The following MEGF11 variants were observed in gnomAD, a reference collection of about 807,000 sequenced individuals.
MEGF11 encodes multiple EGF like domains 11, also known as multiple epidermal growth factor-like domains protein 11.
In MEGF11, 126 loss-of-function variants were observed where a neutral mutation model predicts 146.6. That is an observed-to-expected ratio of 0.86 (90% CI 0.74 to 1.00). The LOEUF (loss-of-function observed/expected upper bound fraction) is 1.00. Ranked by LOEUF, MEGF11 falls within the 50% of genes least tolerant of loss-of-function variation. MEGF11 has a pLI of 0.00. For missense variants in MEGF11, 1,509 were observed against 1,521.2 expected, an observed-to-expected ratio of 0.99 and a Z score of 0.13; for synonymous variants, 532 against 583.4, an observed-to-expected ratio of 0.91 and a Z score of 1.27.
chr15:66,228,316 G>C (rs2091895658), intron 1 of MEGF11, among the ~76,000 whole-genome samples: 2 of 152,026 alleles, frequency 1.3e-5, no homozygotes, highest in Admixed American at 1.3e-4. Flanking sequence ...ACGAAGCCTT[G>C]TCCCCACCAC....
intron 1 of MEGF11, among the ~76,000 whole-genome samples, chr15:66,220,256 C>T (rs2091700000): frequency 6.6e-6 from 1 of 150,992 alleles, no homozygotes; most frequent in African/African-American, 2.4e-5. Flanking sequence ...CCACCCCCCG[C>T]CATGTGGTAC....
intron 16 of MEGF11, 84 bp downstream of exon 16, chr15:65,917,882 C>A (rs753187454): frequency 6.4e-7 from 1 of 1,558,234 alleles, no homozygotes; most frequent in Admixed American, 1.7e-5. Context: ...GTGGAGGCAC[C>A]AGGACAGAGA....
In MEGF11 at chr15:66,197,249, A is replaced by T. The variant is rs1399521112; in HGVS notation, c.-9+56356T>A. Among the ~76,000 whole-genome samples the T allele has an allele frequency of 2.6e-5, 4 of 152,216 alleles. No individual in the cohort carries two copies. In the East Asian group the frequency reaches 7.7e-4, roughly 29 times the overall value. ...GATTACTTATGTCCTTGAAATTATT[A>T]GTAAATCTTAATACTGGGCAAGATC... On this transcript the variant is annotated intron_variant, in intron 1 of 25. Transcript: ENST00000395614.
chr15:66,149,608 A>G (rs1413169141), intron 1 of MEGF11, among the ~76,000 whole-genome samples: 1 of 152,110 alleles, frequency 6.6e-6, no homozygotes, highest in East Asian at 1.9e-4. Flanking sequence ...CTCCATCAGC[A>G]TCACGCAGAA....
chr15:66,142,606 C>G (rs2089209939), intron 1 of MEGF11, among the ~76,000 whole-genome samples: 1 of 152,168 alleles, frequency 6.6e-6, no homozygotes. Flanking sequence ...CACAGGGAGG[C>G]CCTGTGAGGG....
chr15:66,100,074 G>A (rs1243335584), intron 4 of MEGF11, among the ~76,000 whole-genome samples: 3 of 148,970 alleles, frequency 2.0e-5, no homozygotes, highest in East Asian at 2.0e-4. Context: ...CAGTGGTTGC[G>A]CTTTGGGGGG....
intron 5 of MEGF11, among the ~76,000 whole-genome samples, chr15:66,026,740 G>A (rs2083343790): frequency 6.6e-6 from 1 of 151,484 alleles, no homozygotes; most frequent in African/African-American, 2.4e-5. Context: ...CACCCACCTC[G>A]GCCTCTTAAA....
chr15:66,248,949 G>A (rs2092334331), intron 1 of MEGF11, among the ~76,000 whole-genome samples: 1 of 152,176 alleles, frequency 6.6e-6, no homozygotes, highest in Admixed American at 6.5e-5. Flanking sequence ...GAATCCAGAT[G>A]AAAAATGCTG....
At chr15:66,251,082 C>T (rs8037432) in intron 1 of MEGF11, among the ~76,000 whole-genome samples, 2,889 of 152,244 alleles carry the variant, frequency 0.019, 84 homozygotes, top group African/African-American at 0.067. Flanking sequence ...AAGTCTAGGC[C>T]TAGAAGACCC....
chr15:66,084,343 G>A (rs889312921), intron 5 of MEGF11, among the ~76,000 whole-genome samples: 2 of 152,130 alleles, frequency 1.3e-5, no homozygotes, highest in African/African-American at 2.4e-5. Flanking sequence ...TTGCAGCCCC[G>A]GACAATGCGG....
At chr15:66,179,204 C>T (rs2090474752) in intron 1 of MEGF11, among the ~76,000 whole-genome samples, 1 of 152,208 alleles carries the variant, frequency 6.6e-6, no homozygotes. Context: ...ATGATCTCAG[C>T]TCACCGCAAC....
intron 5 of MEGF11, among the ~76,000 whole-genome samples, chr15:66,025,420 C>T (rs1346917243): frequency 1.3e-5 from 2 of 152,086 alleles, no homozygotes. Context: ...AGGGGCTGGG[C>T]TGGAGAAAGC....
intron 24 of MEGF11, chr15:65,905,338 C>T (rs925781635): frequency 1.3e-5 from 2 of 152,230 alleles, no homozygotes; most frequent in Admixed American, 6.5e-5. Context: ...AGGCATTAGA[C>T]AATAGGACAG....
At chr15:66,068,224 G>T (rs923040966) in intron 5 of MEGF11, among the ~76,000 whole-genome samples, 1 of 152,134 alleles carries the variant, frequency 6.6e-6, no homozygotes, top group African/African-American at 2.4e-5. Flanking sequence ...GTGCATAGTA[G>T]GTACCTGATA....
At chr15:66,245,049 G>C (rs1025140860) in intron 1 of MEGF11, among the ~76,000 whole-genome samples, 1 of 152,210 alleles carries the variant, frequency 6.6e-6, no homozygotes, top group African/African-American at 2.4e-5. Context: ...GGGAAGGAAA[G>C]ATCAATGCTT....
At chr15:66,092,071 G>C (rs1218136398) in intron 5 of MEGF11, among the ~76,000 whole-genome samples, 1 of 152,178 alleles carries the variant, frequency 6.6e-6, no homozygotes, top group Non-Finnish European at 1.5e-5. Flanking sequence ...GGAGCATCAT[G>C]GTCATCCATC....
intron 5 of MEGF11, among the ~76,000 whole-genome samples, chr15:66,068,944 C>T (rs2085252011): frequency 6.6e-6 from 1 of 152,194 alleles, no homozygotes; most frequent in Non-Finnish European, 1.5e-5. Flanking sequence ...AAACATGGGC[C>T]CCTACTACAA....
At chr15:66,232,187 C>G (rs907993474) in intron 1 of MEGF11, among the ~76,000 whole-genome samples, 3 of 152,200 alleles carry the variant, frequency 2.0e-5, no homozygotes, top group Non-Finnish European at 4.4e-5. Flanking sequence ...TCTCAAGAGT[C>G]AAAGGTGGCC....
rs114288982 is a variant in MEGF11 at position 66,225,312 on chromosome 15, C to T, written c.-9+28293G>A. Among the ~76,000 whole-genome samples the T allele has an allele frequency of 6.1e-3, 929 of 152,354 alleles. 7 individuals carry two copies. The highest frequency in any genetic ancestry group is 0.021 in the African/African-American group (857 of 41,576). ...AAAAGAGGCCTCTTCAGCATGCTTG[C>T]CCACCACCCACACTCCATTTTGCCT... On this transcript the variant is annotated intron_variant, in intron 1 of 25. Transcript: ENST00000395614.
Sources: allele counts gnomAD v4.1 joint callset (sites outside exome capture counted in the v4.1 genomes callset), GRCh38; gene constraint gnomAD v4.1.1; transcripts MANE v1.5; gene names NCBI Gene and HGNC (gene_info 2026-07-23, HGNC 2026-07-21).